The following CWF19L2 variants were observed in gnomAD, a reference collection of about 807,000 sequenced individuals.
CWF19L2 encodes the protein CWF19 like cell cycle control factor 2.
A neutral mutation model predicts 111.7 loss-of-function variants in CWF19L2; 98 were observed. The ratio of observed to expected loss-of-function variants is 0.88; its 90% CI spans 0.75 to 1.04. The LOEUF (loss-of-function observed/expected upper bound fraction) is 1.04, where lower values mean the gene tolerates loss of function less well. Ranked by LOEUF, CWF19L2 falls within the 50% of genes least tolerant of loss-of-function variation. The probability of loss-of-function intolerance (pLI) is 0.00; values close to 1 mark genes in which losing one functional copy is unlikely to be tolerated. For synonymous variants in CWF19L2, 351 were observed against 342.9 expected (o/e 1.02, Z -0.26); for missense variants, 1,101 against 1,051.4 (o/e 1.05, Z -0.65).
At chr11:107,415,354 T>C (rs1399304721) in intron 10 of CWF19L2, among the ~76,000 whole-genome samples, 4 of 152,228 alleles carry the variant, frequency 2.6e-5, no homozygotes, top group African/African-American at 9.6e-5. Context: ...AACCCACCTG[T>C]CACTCAAAAT....
chr11:107,392,755 A>T (rs1263039078), intron 11 of CWF19L2, 24 bp downstream of exon 11: 2 of 1,353,522 alleles, frequency 1.5e-6, no homozygotes, highest in Non-Finnish European at 2.1e-6. Flanking sequence ...TGAATTAATA[A>T]ACAAAGACAT....
rs1161802406 is a variant in CWF19L2 at position 107,457,589 on chromosome 11, C to T, written c.105+123G>A. Reference sequence around the variant, plus strand: ...GTTTACCGGCATTGCAAAGGGAGAACTCACCCAAATTAAGGTGAGATTCAG... The same window carrying T: ...GTTTACCGGCATTGCAAAGGGAGAATTCACCCAAATTAAGGTGAGATTCAG... On this transcript the variant is annotated intron_variant, in intron 1 of 17. Transcript: ENST00000282251. 3 of 682,690 alleles carry T rather than the reference C, an allele frequency of 4.4e-6. No individual in the cohort carries two copies. In the Admixed American group the frequency reaches 8.3e-5, roughly 19 times the overall value. 42.3% of individuals were successfully genotyped at this position (682,690 alleles called of 1,614,324 possible). A position where few individuals can be genotyped will look rare whatever the true frequency, so the allele number is the denominator to read the frequency against.
At chr11:107,441,393 A>G in intron 5 of CWF19L2, 110 bp downstream of exon 5, 1 of 912,526 alleles carries the variant, frequency 1.1e-6, no homozygotes, top group Non-Finnish European at 1.5e-6. Context: ...TGTATTAAAT[A>G]CTATAAAAAA....
chr11:107,409,791 G>GACT, intron 10 of CWF19L2, among the ~76,000 whole-genome samples: 1 of 152,078 alleles, frequency 6.6e-6, no homozygotes, highest in East Asian at 1.9e-4. Flanking sequence ...GTGATGGCCA[G>GACT]ACTAGATGAT....
intron 12 of CWF19L2, among the ~76,000 whole-genome samples, chr11:107,386,968 C>T (rs368311842): frequency 4.6e-5 from 7 of 151,816 alleles, no homozygotes; most frequent in African/African-American, 1.5e-4. Flanking sequence ...GCAGGAGAAT[C>T]GCTTGAACCC....
At chr11:107,437,312 G>A (rs1188731022) in intron 6 of CWF19L2, among the ~76,000 whole-genome samples, 1 of 152,140 alleles carries the variant, frequency 6.6e-6, no homozygotes, top group Non-Finnish European at 1.5e-5. Context: ...CCACAATTAT[G>A]AAGCTAATTA....
chr11:107,400,974 A>T (rs1860991028), intron 10 of CWF19L2, among the ~76,000 whole-genome samples: 1 of 152,246 alleles, frequency 6.6e-6, no homozygotes, highest in Non-Finnish European at 1.5e-5. Context: ...TCACATGATC[A>T]TCTCAATAGA....
At chr11:107,453,228 A>C (rs1221256211) in intron 3 of CWF19L2, among the ~76,000 whole-genome samples, 2 of 152,224 alleles carry the variant, frequency 1.3e-5, no homozygotes, top group Non-Finnish European at 2.9e-5. Flanking sequence ...GCTAAAAATT[A>C]CTAAGACTGA....
chr11:107,401,436 G>A (rs1011695014), intron 10 of CWF19L2, among the ~76,000 whole-genome samples: 5 of 151,888 alleles, frequency 3.3e-5, no homozygotes, highest in African/African-American at 1.2e-4. Flanking sequence ...AACAAGCAGA[G>A]AATCAAATCA....
At chr11:107,429,917 T>C (rs1371110607) in intron 7 of CWF19L2, among the ~76,000 whole-genome samples, 2 of 151,728 alleles carry the variant, frequency 1.3e-5, no homozygotes, top group East Asian at 1.9e-4. Flanking sequence ...AAGACAGTGC[T>C]GAAAACTAAA....
At chr11:107,456,464 A>G (rs183249452) in intron 1 of CWF19L2, among the ~76,000 whole-genome samples, 2 of 151,958 alleles carry the variant, frequency 1.3e-5, no homozygotes, top group East Asian at 3.8e-4. Context: ...ATATATACCC[A>G]CACACACACA....
Position 107,390,090 on chromosome 11 carries a change from A to C in CWF19L2, c.1856T>G (p.Met619Arg), listed in dbSNP as rs1481604055. Residue 619 changes from methionine (M) to arginine (R), a missense_variant, in exon 12 of 18, where the codon ATG (methionine) becomes AGG (arginine). Transcript: ENST00000282251. ...GTAENQNKLF[M>R]RMASKFMGKT... is the part of the protein sequence containing the mutation. ...ATATCTTACCTTAGATGCCATTCTCATAAAGAGCTTGTTTTGATTTTCTGC... is the reference window on the plus strand; with the variant it reads ...ATATCTTACCTTAGATGCCATTCTCCTAAAGAGCTTGTTTTGATTTTCTGC... The C allele has an allele frequency of 6.2e-7, 1 of 1,612,666 alleles. No homozygotes were observed. The highest frequency in any genetic ancestry group is 8.5e-7 in the Non-Finnish European group (1 of 1,179,356).
rs147563693 is a variant in CWF19L2, at chr11:107,441,177, T to C, written c.570+326A>G. Among the ~76,000 whole-genome samples, 408 of 152,292 alleles carry C rather than the reference T, an allele frequency of 2.7e-3. 1 individual carries two copies. Among genetic ancestry groups the C allele is most frequent in the African/African-American group, 9.4e-3 (392 of 41,572 alleles). ...ACCAGAATTTCTAGATGTCTTGAAA[T>C]GGAAGTATTTTCATGGTGTCTAATT... is the stretch of plus-strand genomic sequence containing the variant. On this transcript the variant is annotated intron_variant, in intron 5 of 17. Transcript: ENST00000282251.
At chr11:107,448,112 G>C (rs1213225538) in intron 3 of CWF19L2, among the ~76,000 whole-genome samples, 1 of 152,042 alleles carries the variant, frequency 6.6e-6, no homozygotes, top group Non-Finnish European at 1.5e-5. Context: ...TTGGGAGGCT[G>C]AGGCAGGCAG....
At position 107,353,611 on chromosome 11, in the gene CWF19L2, C is replaced by G; in HGVS notation, c.1998G>C (p.Arg666=). ...NQRKKAIAEH[R]SLAAQMEKCL... The stretch of plus-strand genomic sequence containing the variant: ...ATTTTTCCATTTGTGCAGCAAGACT[C>G]CGATGCTCAGCAATAGCTTTTTTCC... The change falls in exon 13 of 18, where the codon CGG becomes CGC. Residue 666 remains arginine, a synonymous_variant. Coordinates refer to ENST00000282251, the MANE Select transcript of CWF19L2 (RefSeq NM_152434.3). The G allele has an allele frequency of 3.1e-6, 5 of 1,613,806 alleles. No individual in the cohort carries two copies. The highest frequency in any genetic ancestry group is 4.2e-6 in the Non-Finnish European group (5 of 1,179,780).
intron 12 of CWF19L2, among the ~76,000 whole-genome samples, chr11:107,387,753 T>C (rs1860791810): frequency 6.6e-6 from 1 of 152,184 alleles, no homozygotes; most frequent in African/African-American, 2.4e-5. Context: ...TTCATGCTCC[T>C]ATGAGAATCT....
chr11:107,354,263 T>A (rs1860203062), intron 12 of CWF19L2, among the ~76,000 whole-genome samples: 1 of 152,176 alleles, frequency 6.6e-6, no homozygotes. Flanking sequence ...GTGTACAGAA[T>A]GAAGTTCAAA....
In CWF19L2 at chr11:107,336,727, A is replaced by AT. The variant is rs748004619; in HGVS notation, c.2203-15_2203-14insA. On this transcript the variant is annotated splice_polypyrimidine_tract_variant and intron_variant, in intron 14 of 17. Transcript: ENST00000282251. ...TTTTCTGAACATCTAAAAAAAAAAA[A>AT]GAACTAGGTAAAGAAAACACTTAAA... The AT allele has an allele frequency of 7.6e-7, 1 of 1,314,858 alleles. No individual in the cohort carries two copies. The highest frequency in any genetic ancestry group is 1.4e-5 in the South Asian group (1 of 70,434). 81.4% of individuals were successfully genotyped at this position (1,314,858 alleles called of 1,614,324 possible). A position where few individuals can be genotyped will look rare whatever the true frequency, so the allele number is the denominator to read the frequency against.
chr11:107,450,275 T>C (rs1291655645), intron 3 of CWF19L2, among the ~76,000 whole-genome samples: 1 of 152,070 alleles, frequency 6.6e-6, no homozygotes, highest in Non-Finnish European at 1.5e-5. Flanking sequence ...GAATATAAAA[T>C]GTCTCAAAAA....
Sources: gnomAD v4.1 joint callset for allele counts (sites outside exome capture counted in the v4.1 genomes callset) on GRCh38, gnomAD v4.1.1 for gene constraint, MANE v1.5 for transcripts, NCBI Gene and HGNC (gene_info 2026-07-23, HGNC 2026-07-21) for gene names.